DMXL1: variants seen among roughly 807,000 people sequenced by gnomAD.
DMXL1 encodes the protein dmX-like protein 1.
Under a neutral mutation model 319.2 loss-of-function variants are expected in DMXL1, and 99 were observed. The ratio of observed to expected loss-of-function variants is 0.31; its 90% CI spans 0.26 to 0.37. The LOEUF (loss-of-function observed/expected upper bound fraction) is 0.37, where lower values mean the gene tolerates loss of function less well. Among genes scored for constraint, DMXL1 ranks in the 10% least tolerant of loss-of-function variants. The pLI is 1.00. For missense variants in DMXL1, 3,745 were observed against 3,595.6 expected, an observed-to-expected ratio of 1.04 and a Z score of -1.06; for synonymous variants, 1,385 against 1,235.2, an observed-to-expected ratio of 1.12 and a Z score of -2.54.
intron 34 of DMXL1, among the ~76,000 whole-genome samples, chr5:119,211,230 A>G (rs748038550): frequency 5.3e-5 from 8 of 152,074 alleles, no homozygotes; most frequent in African/African-American, 1.4e-4. Flanking sequence ...TTTTCTTACA[A>G]TGTTGTTTGT....
chr5:119,183,763 G>A (rs1420942739), intron 28 of DMXL1, among the ~76,000 whole-genome samples: 1 of 151,996 alleles, frequency 6.6e-6, no homozygotes, highest in African/African-American at 2.4e-5. Context: ...CTGGCCAGGA[G>A]TACATTTTTG....
At position 119,134,030 on chromosome 5, in the gene DMXL1, C is replaced by T; in HGVS notation, c.2106C>T (p.Tyr702=). ...CATTTCAGGATCCCAGTGCAGTTTA[C>T]AGTGAGCTTATTCTGTGGAGGGTTG... ...DVAFQDPSAV[Y]SELILWRVDP... Residue 702 remains tyrosine (Y), a synonymous_variant, in exon 12 of 44, where the codon TAC becomes TAT. Transcript: ENST00000539542. 4.3e-6 allele frequency: 7 copies of T among 1,614,160 alleles called. No individual in the cohort carries two copies. The highest frequency in any genetic ancestry group is 1.1e-5 in the South Asian group (1 of 91,080).
chr5:119,120,197 C>T (rs1335953760), intron 8 of DMXL1, among the ~76,000 whole-genome samples: 1 of 152,224 alleles, frequency 6.6e-6, no homozygotes, highest in Admixed American at 6.5e-5. Flanking sequence ...CCATGCCCGG[C>T]CCTGAAAACA....
chr5:119,193,546 A>G (rs929419633), intron 29 of DMXL1, among the ~76,000 whole-genome samples: 3 of 152,166 alleles, frequency 2.0e-5, no homozygotes. Flanking sequence ...AGTAACATGT[A>G]AAAAGTAAAT....
intron 15 of DMXL1, 136 bp from the exon 16 acceptor site, chr5:119,146,701 T>C (rs1768620834): frequency 5.6e-6 from 4 of 720,538 alleles, no homozygotes; most frequent in East Asian, 2.9e-5. Flanking sequence ...TATTTTATAA[T>C]ACCACTTGTG....
intron 21 of DMXL1, 125 bp from the exon 22 acceptor site, chr5:119,166,491 A>C: frequency 1.4e-6 from 1 of 724,916 alleles, no homozygotes; most frequent in Non-Finnish European, 2.3e-6. Context: ...AAGCAGATAC[A>C]TAGTAAGTTA....
intron 19 of DMXL1, among the ~76,000 whole-genome samples, chr5:119,156,404 T>C (rs188551917): frequency 6.6e-6 from 1 of 152,360 alleles, no homozygotes; most frequent in Admixed American, 6.5e-5. Flanking sequence ...CTCATTTTAT[T>C]GCAATATTTG....
rs1299485720 is a variant in DMXL1 at position 119,133,717 on chromosome 5, T to C, written c.1793T>C (p.Met598Thr). 2 of 1,614,236 alleles carry C rather than the reference T, an allele frequency of 1.2e-6. No homozygotes were observed. The highest frequency in any genetic ancestry group is 2.2e-5 in the East Asian group (1 of 44,886). Reference protein sequence around the residue: ...LKLSIFTPNVMMISKHADGSL... With the variant: ...LKLSIFTPNVTMISKHADGSL... ...TTAAGTATTTTTACGCCTAATGTTA[T>C]GATGATATCAAAACATGCTGATGGT... Residue 598 changes from methionine (M) to threonine (T), a missense_variant, in exon 12 of 44, where the codon ATG becomes ACG. By Grantham distance (81) the Met-to-Thr change is moderately conservative. Coordinates refer to ENST00000539542, the MANE Select transcript of DMXL1 (RefSeq NM_001290321.3).
In DMXL1 at chr5:119,170,211, A is replaced by G. The variant is rs1443191837; in HGVS notation, c.5420A>G (p.Asn1807Ser). ...ENDDQVLSAS[N>S]PTVFNFYNYL... The stretch of plus-strand genomic sequence containing the variant: ...TCAGATCAAGTTTTATCAGCCAGTA[A>G]TCCTACAGTTTTTAATTTCTACAAT... The change falls in exon 24 of 44, where the codon AAT becomes AGT. Residue 1807 changes from asparagine to serine, a missense_variant. By Grantham distance (46) the Asn-to-Ser change is conservative (BLOSUM62 1). Coordinates refer to ENST00000539542, the MANE Select transcript of DMXL1 (RefSeq NM_001290321.3). 2 of 1,603,314 alleles carry G rather than the reference A, an allele frequency of 1.2e-6. No homozygotes were observed. The highest frequency in any genetic ancestry group is 1.7e-6 in the Non-Finnish European group (2 of 1,176,928).
At chr5:119,147,577 A>C in intron 17 of DMXL1, 107 bp downstream of exon 17, 1 of 705,280 alleles carries the variant, frequency 1.4e-6, no homozygotes, top group Non-Finnish European at 2.4e-6. Flanking sequence ...AGAACTAGAA[A>C]TGGAAATAAT....
At chr5:119,075,621 G>A (rs141394595) in intron 1 of DMXL1, among the ~76,000 whole-genome samples, 1 of 152,098 alleles carries the variant, frequency 6.6e-6, no homozygotes, top group East Asian at 1.9e-4. Flanking sequence ...GGTATGCTAA[G>A]CAAAAATTAT....
At chr5:119,132,204 A>G (rs1561672582) in intron 10 of DMXL1, among the ~76,000 whole-genome samples, 1 of 152,194 alleles carries the variant, frequency 6.6e-6, no homozygotes, top group African/African-American at 2.4e-5. Flanking sequence ...ACACTAGAAT[A>G]TGTGACAATT....
chr5:119,088,383 C>CT (rs1245151060), intron 1 of DMXL1, among the ~76,000 whole-genome samples: 2 of 152,022 alleles, frequency 1.3e-5, no homozygotes, highest in Non-Finnish European at 2.9e-5. Context: ...AGAGTTGGTT[C>CT]TTTTTTCTTC....
intron 32 of DMXL1, among the ~76,000 whole-genome samples, chr5:119,200,142 T>G (rs1780432975): frequency 6.6e-6 from 1 of 152,198 alleles, no homozygotes; most frequent in African/African-American, 2.4e-5. Flanking sequence ...TCATAAAATC[T>G]TTGCCTGTTC....
rs147221153 is a variant in DMXL1, at chr5:119,167,658, A to G, written c.5192A>G (p.Tyr1731Cys). ...IQLALVIARL[Y>C]ESEFDTSAAY... ...TTGGCTCTTGTAATAGCAAGACTCT[A>G]TGAGTCTGAATTTGATACATCTGCA... Residue 1731 changes from tyrosine (Y) to cysteine (C), a missense_variant, in exon 23 of 44, where the codon TAT (tyrosine) becomes TGT (cysteine). Tyr to Cys is a radical substitution (Grantham distance 194, BLOSUM62 -2). Transcript: ENST00000539542. 1.7e-5 allele frequency: 28 copies of G among 1,608,998 alleles called. No individual in the cohort carries two copies. Among genetic ancestry groups the G allele is most frequent in the East Asian group, 6.7e-5 (3 of 44,768 alleles).
At chr5:119,115,974 A>G (rs922562748) in intron 6 of DMXL1, among the ~76,000 whole-genome samples, 184 bp from the exon 7 acceptor site, 1 of 152,170 alleles carries the variant, frequency 6.6e-6, no homozygotes, top group Non-Finnish European at 1.5e-5. Flanking sequence ...TCAGTTTTTA[A>G]AGCACAGTTA....
At chr5:119,180,178 A>G (rs1203533678) in intron 28 of DMXL1, among the ~76,000 whole-genome samples, 1 of 152,228 alleles carries the variant, frequency 6.6e-6, no homozygotes. Flanking sequence ...GGTTTTAAGA[A>G]CAACTGAAGT....
chr5:119,131,504 C>G (rs909999192), intron 10 of DMXL1, among the ~76,000 whole-genome samples: 2 of 152,084 alleles, frequency 1.3e-5, no homozygotes, highest in African/African-American at 4.8e-5. Flanking sequence ...TTGGATAAAC[C>G]TGGTACTTTA....
At chr5:119,135,710 G>T (rs181607836) in intron 13 of DMXL1, among the ~76,000 whole-genome samples, 1 of 152,278 alleles carries the variant, frequency 6.6e-6, no homozygotes, top group Non-Finnish European at 1.5e-5. Flanking sequence ...CCCTGTGCAC[G>T]TGCCGTCTCC....
Sources: allele counts gnomAD v4.1 joint callset (sites outside exome capture counted in the v4.1 genomes callset), GRCh38; gene constraint gnomAD v4.1.1; transcripts MANE v1.5; gene names NCBI Gene and HGNC (gene_info 2026-07-23, HGNC 2026-07-21).